HS3ST4: variants seen among roughly 807,000 people sequenced by gnomAD.
HS3ST4 encodes the protein heparan sulfate glucosamine 3-O-sulfotransferase 4.
Under a neutral mutation model 29.2 loss-of-function variants are expected in HS3ST4, and 17 were observed. The ratio of observed to expected loss-of-function variants is 0.58; its 90% CI spans 0.40 to 0.87. The LOEUF is 0.87. HS3ST4 is among the 40% of genes least tolerant of loss of function. The pLI is 0.00. For synonymous variants in HS3ST4, 314 were observed against 285.7 expected (o/e 1.10, Z -1.00); for missense variants, 627 against 634.5 (o/e 0.99, Z 0.13).
chr16:26,134,466 G>A (rs1029858861), intron 1 of HS3ST4, among the ~76,000 whole-genome samples: 2 of 149,856 alleles, frequency 1.3e-5, no homozygotes, highest in African/African-American at 4.9e-5. Flanking sequence ...GGGTCCAAGT[G>A]ATTTTCCTGC....
chr16:25,816,709 G>C (rs1967095664), intron 1 of HS3ST4, among the ~76,000 whole-genome samples: 1 of 152,082 alleles, frequency 6.6e-6, no homozygotes, highest in Non-Finnish European at 1.5e-5. Flanking sequence ...ATCTCTTACA[G>C]TTACAGGCTT....
chr16:26,056,582 A>C (rs1474745222), intron 1 of HS3ST4, among the ~76,000 whole-genome samples: 1 of 152,150 alleles, frequency 6.6e-6, no homozygotes, highest in African/African-American at 2.4e-5. Context: ...TGTGAGGTGG[A>C]TGTTTCTGAC....
intron 1 of HS3ST4, among the ~76,000 whole-genome samples, chr16:25,759,906 A>G (rs558841712): frequency 1.2e-4 from 18 of 151,346 alleles, no homozygotes; most frequent in Admixed American, 2.0e-4. Context: ...AATAAAGAGA[A>G]AAAAAAAGGA....
At chr16:26,034,433 T>A (rs191452379) in intron 1 of HS3ST4, among the ~76,000 whole-genome samples, 1 of 152,162 alleles carries the variant, frequency 6.6e-6, no homozygotes, top group Admixed American at 6.5e-5. Context: ...GCTGGCCTGA[T>A]AGGGTGCAAG....
chr16:25,820,135 T>C (rs1967136028), intron 1 of HS3ST4, among the ~76,000 whole-genome samples: 1 of 85,258 alleles, frequency 1.2e-5, no homozygotes, highest in Non-Finnish European at 2.5e-5. Flanking sequence ...CTTCTCCCAT[T>C]ACACCAACTC....
intron 1 of HS3ST4, among the ~76,000 whole-genome samples, chr16:25,807,921 T>G (rs917592356): frequency 3.3e-5 from 5 of 152,220 alleles, no homozygotes; most frequent in African/African-American, 4.8e-5. Flanking sequence ...TCTCGTCATG[T>G]GCTTATTTTC....
chr16:25,842,442 A>G lies in HS3ST4; in HGVS notation c.734+149291A>G, dbSNP rs1443727513. 3.9e-5 allele frequency among the ~76,000 whole-genome samples: 6 copies of G among 152,224 alleles called. No homozygotes were observed. In the East Asian group the frequency reaches 1.2e-3, roughly 29 times the overall value. On this transcript the variant is annotated intron_variant, in intron 1 of 1. Coordinates refer to ENST00000331351, the MANE Select transcript of HS3ST4 (RefSeq NM_006040.3). ...ATCGTATATGCCCCACTGTACTGTG[A>G]TTTTTTATTTTTCTTGCTTCTCTTT...
intron 1 of HS3ST4, among the ~76,000 whole-genome samples, chr16:25,886,098 T>C (rs1391014934): frequency 7.0e-6 from 1 of 142,726 alleles, no homozygotes; most frequent in African/African-American, 2.6e-5. Flanking sequence ...AGGGGCATGA[T>C]CTCGGCACAC....
intron 1 of HS3ST4, among the ~76,000 whole-genome samples, chr16:25,941,085 C>A (rs867278571): frequency 1.2e-4 from 18 of 152,288 alleles, no homozygotes; most frequent in South Asian, 8.3e-4. Context: ...CCTTCCTGCA[C>A]CATTGAGACC....
intron 1 of HS3ST4, among the ~76,000 whole-genome samples, chr16:25,809,090 T>C (rs987401074): frequency 6.6e-6 from 1 of 152,110 alleles, no homozygotes; most frequent in Non-Finnish European, 1.5e-5. Flanking sequence ...TTTCTTTCTT[T>C]TCCTTCCCTT....
intron 1 of HS3ST4, among the ~76,000 whole-genome samples, chr16:26,079,843 T>C (rs1898705007): frequency 6.6e-6 from 1 of 152,162 alleles, no homozygotes; most frequent in South Asian, 2.1e-4. Context: ...GGGAGCGGAC[T>C]TAATGGAGGA....
chr16:25,696,865 T>C (rs866388862), intron 1 of HS3ST4, among the ~76,000 whole-genome samples: 2 of 152,232 alleles, frequency 1.3e-5, no homozygotes, highest in Non-Finnish European at 2.9e-5. Flanking sequence ...CAATTGGTGC[T>C]ACCTACAATT....
chr16:26,102,487 T>G (rs1423045702), intron 1 of HS3ST4, among the ~76,000 whole-genome samples: 2 of 152,186 alleles, frequency 1.3e-5, no homozygotes, highest in Admixed American at 1.3e-4. Flanking sequence ...TGGTGCCATT[T>G]TCTTCCTATC....
chr16:26,046,895 A>G (rs1046464080), intron 1 of HS3ST4, among the ~76,000 whole-genome samples: 1 of 152,206 alleles, frequency 6.6e-6, no homozygotes, highest in Non-Finnish European at 1.5e-5. Context: ...TTCATCCAAC[A>G]TCGCACAACT....
chr16:26,121,661 G>A (rs530494881), intron 1 of HS3ST4, among the ~76,000 whole-genome samples: 4 of 152,268 alleles, frequency 2.6e-5, no homozygotes, highest in Admixed American at 1.3e-4. Context: ...GACCTGGAGC[G>A]CAGGCTTCCC....
chr16:25,837,310 A>G (rs566545243), intron 1 of HS3ST4, among the ~76,000 whole-genome samples: 2 of 152,346 alleles, frequency 1.3e-5, no homozygotes, highest in South Asian at 4.1e-4. Flanking sequence ...TGGATGAACA[A>G]GGCCCTAGGT....
chr16:26,090,415 G>A (rs914086662), intron 1 of HS3ST4, among the ~76,000 whole-genome samples: 3 of 152,154 alleles, frequency 2.0e-5, no homozygotes, highest in Admixed American at 1.3e-4. Flanking sequence ...GACAGACGTT[G>A]AGGATGATTC....
chr16:26,030,466 A>C (rs561385597), intron 1 of HS3ST4, among the ~76,000 whole-genome samples: 89 of 152,334 alleles, frequency 5.8e-4, no homozygotes, highest in African/African-American at 2.1e-3. Context: ...ATGAGGTGCA[A>C]ATAAATCAAC....
intron 1 of HS3ST4, among the ~76,000 whole-genome samples, chr16:25,944,315 T>C (rs1968604241): frequency 1.3e-5 from 2 of 152,170 alleles, no homozygotes; most frequent in Non-Finnish European, 2.9e-5. Context: ...GTTCTGGGTC[T>C]TTTATGTGGC....
Sources: gnomAD v4.1 joint callset for allele counts (sites outside exome capture counted in the v4.1 genomes callset) on GRCh38, gnomAD v4.1.1 for gene constraint, MANE v1.5 for transcripts, NCBI Gene and HGNC (gene_info 2026-07-23, HGNC 2026-07-21) for gene names.